Variants in PCDHA4 observed in about 807,000 individuals in gnomAD.
The protein encoded by PCDHA4 is protocadherin alpha 4, also known as protocadherin alpha-4.
Under a neutral mutation model 61.4 loss-of-function variants are expected in PCDHA4, and 49 were observed. That is an observed-to-expected ratio of 0.80 (90% confidence interval 0.63 to 1.01). PCDHA4 has a LOEUF of 1.01. PCDHA4 is among the 50% of genes least tolerant of loss of function. The probability of loss-of-function intolerance (pLI) is 0.00; values close to 1 mark genes in which losing one functional copy is unlikely to be tolerated. For synonymous variants in PCDHA4, 590 were observed against 550.3 expected (o/e 1.07, Z -1.01); for missense variants, 1,254 against 1,235.8 (o/e 1.01, Z -0.22).
intron 1 of PCDHA4, among the ~76,000 whole-genome samples, chr5:140,950,490 C>A (rs2153689793): frequency 6.6e-6 from 1 of 152,114 alleles, no homozygotes; most frequent in South Asian, 2.1e-4. Context: ...AGTGTGTAGT[C>A]ATTTAAGTCA....
intron 1 of PCDHA4, chr5:140,967,826 G>A (rs782046643): frequency 1.2e-6 from 2 of 1,614,168 alleles, no homozygotes; most frequent in East Asian, 4.5e-5. Context: ...GGTGCTGGTG[G>A]ACATCGTGGA....
At chr5:140,875,835 G>A in intron 1 of PCDHA4, 1 of 1,614,196 alleles carries the variant, frequency 6.2e-7, no homozygotes, top group East Asian at 2.2e-5. Context: ...ATGTGGACGT[G>A]GAGGTGAAGG....
intron 1 of PCDHA4, chr5:140,877,318 G>A: frequency 6.2e-7 from 1 of 1,614,000 alleles, no homozygotes; most frequent in Non-Finnish European, 8.5e-7. Context: ...ACCGGCGGCG[G>A]TCGGCGCGCA....
intron 1 of PCDHA4, chr5:140,856,310 C>T (rs782387382): frequency 5.0e-6 from 8 of 1,598,548 alleles, no homozygotes; most frequent in Non-Finnish European, 6.8e-6. Context: ...TGTGAATTCT[C>T]GGATTGACCG....
chr5:140,947,763 AAT>A (rs1396909113), intron 1 of PCDHA4, among the ~76,000 whole-genome samples: 1 of 151,658 alleles, frequency 6.6e-6, no homozygotes, highest in Non-Finnish European at 1.5e-5. Flanking sequence ...TGGTTTAAAA[AAT>A]TCTATTGTAA....
chr5:140,850,124 G>C lies in PCDHA4; in HGVS notation c.2385+40552G>C, dbSNP rs1321633502. On this transcript the variant is annotated intron_variant, in intron 1 of 3. Coordinates refer to ENST00000530339, the MANE Select transcript of PCDHA4 (RefSeq NM_018907.4). ...TGAGCGCGCGCGACGCGGGCGTGCCGCCTCTGGGCAGCAACGTGACGCTGC... is the reference window on the plus strand; with the variant it reads ...TGAGCGCGCGCGACGCGGGCGTGCCCCCTCTGGGCAGCAACGTGACGCTGC... The C allele has an allele frequency of 1.9e-6, 3 of 1,595,828 alleles. 1 individual carries two copies. The highest frequency in any genetic ancestry group is 2.7e-5 in the African/African-American group (2 of 74,384).
chr5:140,858,158 G>A lies in PCDHA4; in HGVS notation c.2385+48586G>A, dbSNP rs781899082. On this transcript the variant is annotated intron_variant, in intron 1 of 3. Transcript: ENST00000530339. ...CGTGTACCTGATCATCGCCATCTGC[G>A]CGGTGTCCAGCTTGCTGGTGCTCAC... The A allele has an allele frequency of 6.3e-6, 10 of 1,597,616 alleles. 1 individual carries two copies. Among genetic ancestry groups the A allele is most frequent in the Admixed American group, 5.1e-5 (3 of 59,322 alleles).
intron 3 of PCDHA4, among the ~76,000 whole-genome samples, chr5:141,006,304 C>T (rs528368169): frequency 7.9e-5 from 12 of 152,036 alleles, no homozygotes; most frequent in African/African-American, 2.7e-4. Context: ...CTCCACTTCC[C>T]GGGTTCATGC....
chr5:140,940,468 C>A (rs2092618066), intron 1 of PCDHA4, among the ~76,000 whole-genome samples: 1 of 151,866 alleles, frequency 6.6e-6, no homozygotes, highest in African/African-American at 2.4e-5. Flanking sequence ...CTGTTCCCTG[C>A]AATTTTTTTT....
intron 1 of PCDHA4, chr5:140,843,575 C>T (rs1778980486): frequency 6.3e-7 from 1 of 1,595,908 alleles, no homozygotes; most frequent in Non-Finnish European, 8.6e-7. Flanking sequence ...GTCATACTCG[C>T]AACAACAGCC....
intron 3 of PCDHA4, among the ~76,000 whole-genome samples, chr5:140,993,561 T>C (rs1282310511): frequency 6.6e-6 from 1 of 151,800 alleles, no homozygotes; most frequent in Non-Finnish European, 1.5e-5. Flanking sequence ...GTATATAGTA[T>C]CCTTTCTAGG....
chr5:140,862,363 C>T, intron 1 of PCDHA4: 1 of 339,946 alleles, frequency 2.9e-6, no homozygotes, highest in Non-Finnish European at 5.8e-6. Context: ...GACAGACGAC[C>T]CGCACCCTGA....
intron 1 of PCDHA4, among the ~76,000 whole-genome samples, chr5:140,826,478 G>A (rs1218152841): frequency 6.6e-6 from 1 of 152,136 alleles, no homozygotes; most frequent in Non-Finnish European, 1.5e-5. Flanking sequence ...GCATTTTACT[G>A]TATATCAGAA....
At chr5:140,978,827 G>T (rs2096825118) in intron 1 of PCDHA4, 122 bp from the exon 2 acceptor site, 2 of 1,528,744 alleles carry the variant, frequency 1.3e-6, no homozygotes, top group Admixed American at 2.0e-5. Flanking sequence ...ACATGAAATG[G>T]CTCATTCAAT....
chr5:140,985,650 A>G (rs2097162504), intron 3 of PCDHA4, among the ~76,000 whole-genome samples: 2 of 151,684 alleles, frequency 1.3e-5, no homozygotes, highest in South Asian at 4.2e-4. Context: ...AACACTTGCA[A>G]TGGCTGAATA....
At chr5:140,954,512 T>C (rs2095046956) in intron 1 of PCDHA4, among the ~76,000 whole-genome samples, 1 of 152,254 alleles carries the variant, frequency 6.6e-6, no homozygotes, top group Non-Finnish European at 1.5e-5. Flanking sequence ...TGCATTTACC[T>C]AATGATCAGT....
intron 1 of PCDHA4, chr5:140,871,028 C>T (rs782198197): frequency 1.2e-5 from 20 of 1,613,116 alleles, no homozygotes; most frequent in Admixed American, 1.7e-5. Context: ...GCAGACTCGC[C>T]GCGCCACCGA....
chr5:140,967,984 C>G (rs2096207352), intron 1 of PCDHA4: 2 of 1,614,100 alleles, frequency 1.2e-6, no homozygotes, highest in African/African-American at 2.7e-5. Flanking sequence ...GTCTGGAGGC[C>G]ACACTGCCTT....
intron 1 of PCDHA4, chr5:140,852,731 C>G: frequency 1.0e-6 from 1 of 983,362 alleles, no homozygotes; most frequent in Non-Finnish European, 1.2e-6. Context: ...TTTCAAGTTT[C>G]ATGTGCCATT....
Sources: gnomAD v4.1 joint callset for allele counts (sites outside exome capture counted in the v4.1 genomes callset) on GRCh38, gnomAD v4.1.1 for gene constraint, MANE v1.5 for transcripts, NCBI Gene and HGNC (gene_info 2026-07-23, HGNC 2026-07-21) for gene names.